The following PTPRD variants were observed in gnomAD, a reference collection of about 807,000 sequenced individuals.
PTPRD encodes protein tyrosine phosphatase receptor type D.
A neutral mutation model predicts 214.5 loss-of-function variants in PTPRD; 34 were observed. The ratio of observed to expected loss-of-function variants is 0.16; its 90% CI spans 0.12 to 0.21. PTPRD has a LOEUF of 0.21. PTPRD is among the 10% of genes least tolerant of loss of function. The pLI, the probability that PTPRD is intolerant of heterozygous loss-of-function variation, is 1.00. For synonymous variants in PTPRD, 1,128 were observed against 845.7 expected (o/e 1.33, Z -5.79); for missense variants, 2,545 against 2,398.7 (o/e 1.06, Z -1.27).
intron 12 of PTPRD, among the ~76,000 whole-genome samples, chr9:8,679,898 G>A (rs1019553369): frequency 6.6e-6 from 1 of 152,148 alleles, no homozygotes; most frequent in East Asian, 1.9e-4. Context: ...ATGCACAAAT[G>A]TACTAATTCT....
At chr9:9,417,959 A>C (rs1008094599) in intron 8 of PTPRD, among the ~76,000 whole-genome samples, 3 of 152,006 alleles carry the variant, frequency 2.0e-5, no homozygotes, top group African/African-American at 4.8e-5. Context: ...CCTGTTTCCA[A>C]TTGTCATCTG....
intron 8 of PTPRD, among the ~76,000 whole-genome samples, chr9:9,494,966 T>A (rs1183052401): frequency 6.6e-6 from 1 of 152,102 alleles, no homozygotes; most frequent in African/African-American, 2.4e-5. Flanking sequence ...AAAAACAAGA[T>A]GCTTAGACCA....
chr9:8,740,672 A>G (rs1166576338), intron 11 of PTPRD, among the ~76,000 whole-genome samples: 1 of 152,204 alleles, frequency 6.6e-6, no homozygotes, highest in East Asian at 1.9e-4. Flanking sequence ...ATTATACTCC[A>G]CATAATCAGC....
chr9:9,583,712 G>A (rs2091338939), intron 7 of PTPRD, among the ~76,000 whole-genome samples: 1 of 151,980 alleles, frequency 6.6e-6, no homozygotes, highest in Admixed American at 6.6e-5. Flanking sequence ...TAGCCTTTAT[G>A]TAAATTCATG....
intron 8 of PTPRD, among the ~76,000 whole-genome samples, chr9:9,553,458 T>G (rs1372108291): frequency 6.6e-6 from 1 of 152,034 alleles, no homozygotes; most frequent in Non-Finnish European, 1.5e-5. Flanking sequence ...ATGAGGATAC[T>G]GAAACTCAAA....
chr9:8,789,861 A>C (rs913224534), intron 11 of PTPRD, among the ~76,000 whole-genome samples: 1 of 152,208 alleles, frequency 6.6e-6, no homozygotes, highest in East Asian at 1.9e-4. Flanking sequence ...TTTAGAAAAG[A>C]CTAGAGTGTA....
intron 4 of PTPRD, among the ~76,000 whole-genome samples, chr9:9,940,267 A>T (rs912886598): frequency 6.6e-6 from 1 of 152,024 alleles, no homozygotes; most frequent in African/African-American, 2.4e-5. Flanking sequence ...TGGAAGTCTG[A>T]GGATAAAGGA....
At chr9:9,414,878 A>G (rs2076542260) in intron 8 of PTPRD, 1 of 152,188 alleles carries the variant, frequency 6.6e-6, no homozygotes, top group African/African-American at 2.4e-5. Flanking sequence ...AACACATAAA[A>G]TTTAAAAGAT....
intron 4 of PTPRD, among the ~76,000 whole-genome samples, chr9:9,960,186 GA>G (rs1001474243): frequency 2.6e-5 from 3 of 116,234 alleles, no homozygotes; most frequent in South Asian, 2.6e-4. Flanking sequence ...TTTTAAAAAT[GA>G]AAAAAGGAGT....
At chr9:10,514,754 G>A (rs1277944358) in intron 2 of PTPRD, among the ~76,000 whole-genome samples, 1 of 151,928 alleles carries the variant, frequency 6.6e-6, no homozygotes, top group Non-Finnish European at 1.5e-5. Context: ...AAGATAGTTT[G>A]TTGTTGATGT....
intron 30 of PTPRD, among the ~76,000 whole-genome samples, chr9:8,478,162 T>A (rs9657635): frequency 0.047 from 7,115 of 152,286 alleles, 565 homozygotes; most frequent in African/African-American, 0.16. Context: ...AATACCTACC[T>A]CACAGGGTTA....
chr9:9,348,685 C>A (rs2049901872), intron 9 of PTPRD, among the ~76,000 whole-genome samples: 1 of 152,080 alleles, frequency 6.6e-6, no homozygotes, highest in Admixed American at 6.6e-5. Flanking sequence ...CCAGCATTTT[C>A]TTGAATAAAT....
At chr9:10,583,512 C>T (rs889369064) in intron 2 of PTPRD, among the ~76,000 whole-genome samples, 20 of 151,496 alleles carry the variant, frequency 1.3e-4, no homozygotes, top group African/African-American at 4.6e-4. Context: ...ACTGCCGTGG[C>T]GCGATCTGGG....
At chr9:9,839,138 G>T (rs530657607) in intron 5 of PTPRD, among the ~76,000 whole-genome samples, 1 of 152,042 alleles carries the variant, frequency 6.6e-6, no homozygotes, top group African/African-American at 2.4e-5. Flanking sequence ...CTCTGTTTTG[G>T]TACCAGTACC....
At chr9:8,709,168 G>T (rs1228037554) in intron 12 of PTPRD, among the ~76,000 whole-genome samples, 1 of 152,098 alleles carries the variant, frequency 6.6e-6, no homozygotes, top group African/African-American at 2.4e-5. Flanking sequence ...AAGTTCAACA[G>T]ATCTACTGTA....
intron 3 of PTPRD, among the ~76,000 whole-genome samples, chr9:10,160,865 G>C (rs1400415678): frequency 1.3e-5 from 2 of 151,848 alleles, no homozygotes; most frequent in Non-Finnish European, 2.9e-5. Context: ...GATAAATTCA[G>C]TACAGTTGGA....
intron 3 of PTPRD, among the ~76,000 whole-genome samples, chr9:10,325,940 TAACAA>T (rs1158824305): frequency 2.0e-5 from 3 of 151,886 alleles, no homozygotes; most frequent in African/African-American, 4.8e-5. Context: ...TTTTTTTATG[TAACAA>T]ACAGAAACTG....
chr9:8,319,795 C>A (rs775581399), intron 45 of PTPRD, 36 bp downstream of exon 45: 3 of 1,611,056 alleles, frequency 1.9e-6, no homozygotes, highest in African/African-American at 1.3e-5. Context: ...AAAACGTAGG[C>A]TCTTGAGATG....
chr9:9,114,447 G>A (rs1262071229), intron 10 of PTPRD, among the ~76,000 whole-genome samples: 7 of 152,138 alleles, frequency 4.6e-5, no homozygotes, highest in Non-Finnish European at 1.0e-4. Context: ...GGATCATTTG[G>A]TCCTGTAGGT....
Sources: gnomAD v4.1 joint callset for allele counts (sites outside exome capture counted in the v4.1 genomes callset) on GRCh38, gnomAD v4.1.1 for gene constraint, MANE v1.5 for transcripts, NCBI Gene and HGNC (gene_info 2026-07-23, HGNC 2026-07-21) for gene names.